STXBP5L: variants seen among roughly 807,000 people sequenced by gnomAD.
STXBP5L encodes syntaxin-binding protein 5-like.
In STXBP5L, 65 loss-of-function variants were observed where a neutral mutation model predicts 144.5. That is an observed-to-expected ratio of 0.45 (90% CI 0.37 to 0.55). STXBP5L has a LOEUF of 0.55. STXBP5L is among the 20% of genes least tolerant of loss of function. The probability of loss-of-function intolerance (pLI) is 0.00; values close to 1 mark genes in which losing one functional copy is unlikely to be tolerated. For synonymous variants in STXBP5L, 505 were observed against 469.6 expected (o/e 1.08, Z -0.97); for missense variants, 1,298 against 1,405.5 (o/e 0.92, Z 1.22).
intron 3 of STXBP5L, among the ~76,000 whole-genome samples, chr3:121,003,496 C>G (rs1048670733): frequency 6.2e-4 from 95 of 152,190 alleles, no homozygotes; most frequent in Middle Eastern, 3.4e-3. Flanking sequence ...CTCCCATGCT[C>G]TAGGTTGCCT....
chr3:121,248,244 AG>A (rs2049919516), intron 14 of STXBP5L, among the ~76,000 whole-genome samples: 1 of 151,978 alleles, frequency 6.6e-6, no homozygotes, highest in Admixed American at 6.5e-5. Flanking sequence ...TTGCACTTTT[AG>A]TAGAGACAGG....
chr3:120,988,643 T>A (rs1379804019), intron 3 of STXBP5L, among the ~76,000 whole-genome samples: 1 of 152,076 alleles, frequency 6.6e-6, no homozygotes, highest in Admixed American at 6.6e-5. Flanking sequence ...TGTTGTTGAG[T>A]TCTATATCCT....
intron 7 of STXBP5L, among the ~76,000 whole-genome samples, chr3:121,140,725 G>T (rs141328298): frequency 0.034 from 5,249 of 152,200 alleles, 338 homozygotes; most frequent in Admixed American, 0.17. Flanking sequence ...TTACTTACCG[G>T]CAGCTGAGGT....
At chr3:121,135,405 T>A (rs189259771) in intron 7 of STXBP5L, among the ~76,000 whole-genome samples, 1 of 152,294 alleles carries the variant, frequency 6.6e-6, no homozygotes, top group South Asian at 2.1e-4. Context: ...AGTAAGACTC[T>A]TCAGTGATAG....
chr3:121,146,231 T>A (rs2045707043), intron 7 of STXBP5L, among the ~76,000 whole-genome samples: 1 of 152,082 alleles, frequency 6.6e-6, no homozygotes, highest in Admixed American at 6.6e-5. Flanking sequence ...TATATCCTAT[T>A]GATTCTGTTT....
chr3:121,120,889 T>C (rs1013267264), intron 6 of STXBP5L, among the ~76,000 whole-genome samples: 5 of 151,114 alleles, frequency 3.3e-5, no homozygotes, highest in Admixed American at 6.6e-5. Context: ...CCTTGTTATA[T>C]CAGATCAGAT....
At chr3:121,278,501 G>A (rs147950763) in intron 18 of STXBP5L, among the ~76,000 whole-genome samples, 1 of 151,742 alleles carries the variant, frequency 6.6e-6, no homozygotes, top group African/African-American at 2.4e-5. Context: ...AAACTCTATC[G>A]TGTCTGTAAG....
intron 3 of STXBP5L, among the ~76,000 whole-genome samples, chr3:121,035,437 A>G (rs991697142): frequency 5.9e-5 from 9 of 151,888 alleles, no homozygotes; most frequent in Non-Finnish European, 1.0e-4. Context: ...TGACAATCCA[A>G]TTTTCCCAGC....
rs1189041835 is a variant in STXBP5L, at chr3:121,152,538, A to C, written c.731A>C (p.Glu244Ala). 1 of 1,607,802 alleles carries C rather than the reference A, an allele frequency of 6.2e-7. No homozygotes were observed. Among genetic ancestry groups the C allele is most frequent in the Admixed American group, 1.7e-5 (1 of 58,744 alleles). ...TGGGACTTGAAATCTAAAAGAGCAGAACTGAGAGTTTATTATGATGAGGTA... is the reference window on the plus strand; with the variant it reads ...TGGGACTTGAAATCTAAAAGAGCAGCACTGAGAGTTTATTATGATGAGGTA... ...VFWDLKSKRA[E>A]LRVYYDEAIH... The change falls in exon 8 of 27, where the codon GAA becomes GCA. Residue 244 changes from glutamate (E) to alanine (A), a missense_variant. Coordinates refer to ENST00000471454, the MANE Select transcript of STXBP5L (RefSeq NM_001308330.2).
At position 121,241,596 on chromosome 3, in the gene STXBP5L, C is replaced by G. The variant is rs552732332; in HGVS notation, c.1400+1089C>G. Among the ~76,000 whole-genome samples the G allele has an allele frequency of 1.8e-4, 27 of 152,210 alleles. No homozygotes were observed. The South Asian group carries it at 5.0e-3, about 28-fold the overall frequency. The stretch of plus-strand genomic sequence containing the variant: ...GAATCATGGTGGGTGAAACCCCTCC[C>G]CTGTGGTGTCAGTGGGGAGCTAGAA... On this transcript the variant is annotated intron_variant, in intron 14 of 26. Coordinates refer to ENST00000471454, the MANE Select transcript of STXBP5L (RefSeq NM_001308330.2).
intron 2 of STXBP5L, among the ~76,000 whole-genome samples, chr3:120,915,778 A>C (rs1157397165): frequency 6.6e-6 from 1 of 152,134 alleles, no homozygotes; most frequent in African/African-American, 2.4e-5. Context: ...TCATTGATTA[A>C]GTTTTATACA....
intron 3 of STXBP5L, among the ~76,000 whole-genome samples, chr3:120,961,282 T>G (rs1007654419): frequency 6.6e-6 from 1 of 151,876 alleles, no homozygotes; most frequent in African/African-American, 2.4e-5. Flanking sequence ...TTGTTTTTTT[T>G]TTTTAATTAT....
intron 22 of STXBP5L, among the ~76,000 whole-genome samples, chr3:121,385,492 A>G (rs1186228665): frequency 6.6e-6 from 1 of 152,198 alleles, no homozygotes; most frequent in African/African-American, 2.4e-5. Flanking sequence ...CCTACCTCCA[A>G]CATTGGAGAT....
chr3:121,019,440 C>T (rs1159977296), intron 3 of STXBP5L, among the ~76,000 whole-genome samples: 3 of 152,242 alleles, frequency 2.0e-5, no homozygotes, highest in Non-Finnish European at 4.4e-5. Flanking sequence ...GAAAGCCCCA[C>T]CTCATGGCTG....
chr3:121,006,954 C>A (rs1236862774), intron 3 of STXBP5L, among the ~76,000 whole-genome samples: 3 of 152,088 alleles, frequency 2.0e-5, no homozygotes, highest in Non-Finnish European at 2.9e-5. Flanking sequence ...TGTGGGTAAC[C>A]CGACCTTTGT....
At chr3:121,101,007 T>A (rs1044082371) in intron 5 of STXBP5L, among the ~76,000 whole-genome samples, 1 of 151,912 alleles carries the variant, frequency 6.6e-6, no homozygotes, top group East Asian at 1.9e-4. Context: ...AACGGATAAA[T>A]CCCTGGAAGC....
chr3:121,335,643 G>A (rs189562090), intron 20 of STXBP5L, among the ~76,000 whole-genome samples: 16 of 151,954 alleles, frequency 1.1e-4, no homozygotes, highest in Non-Finnish European at 1.8e-4. Context: ...CAGAAATAAG[G>A]CCACACACCT....
intron 5 of STXBP5L, among the ~76,000 whole-genome samples, chr3:121,095,446 T>A (rs1044113755): frequency 1.3e-5 from 2 of 152,242 alleles, no homozygotes; most frequent in African/African-American, 4.8e-5. Context: ...ATTTGATCTT[T>A]AAACATAGTC....
intron 5 of STXBP5L, among the ~76,000 whole-genome samples, chr3:121,060,978 C>G (rs1471509124): frequency 6.6e-6 from 1 of 152,182 alleles, no homozygotes; most frequent in South Asian, 2.1e-4. Context: ...TCCTTCAGTT[C>G]TGCTCTGATC....
Sources: allele counts gnomAD v4.1 joint callset (sites outside exome capture counted in the v4.1 genomes callset), GRCh38; gene constraint gnomAD v4.1.1; transcripts MANE v1.5; gene names NCBI Gene and HGNC (gene_info 2026-07-23, HGNC 2026-07-21).